RGSL1: variants seen among roughly 807,000 people sequenced by gnomAD.
RGSL1 encodes regulator of G protein signaling like 1, also known as regulator of G protein signaling protein-like.
A neutral mutation model predicts 124.7 loss-of-function variants in RGSL1; 97 were observed. The observed-to-expected ratio is 0.78, with a 90% CI of 0.66 to 0.92. The LOEUF (loss-of-function observed/expected upper bound fraction) is 0.92, where lower values mean the gene tolerates loss of function less well. RGSL1 is among the 40% of genes least tolerant of loss of function. RGSL1 has a pLI of 0.00. For missense variants in RGSL1, 1,233 were observed against 1,288.4 expected (o/e 0.96, Z 0.66); for synonymous variants, 424 against 438.1 (o/e 0.97, Z 0.40).
rs58641894 is a variant in RGSL1 at position 182,508,290 on chromosome 1, G to GTTTTT, written c.1826-13693_1826-13689dup. On this transcript the variant is annotated intron_variant, in intron 9 of 21. Coordinates refer to ENST00000294854, the MANE Select transcript of RGSL1 (RefSeq NM_001137669.2). ...GGTGATGGTTGTTGGTGGTGGTGGT[G>GTTTTT]TTTTTTTTTTTTTTTTTTTTTTTTT... 6.2e-3 allele frequency among the ~76,000 whole-genome samples: 334 copies of GTTTTT among 53,762 alleles called. 32 individuals carry two copies. The highest frequency in any genetic ancestry group is 0.015 in the African/African-American group (187 of 12,636). 35.3% of individuals were successfully genotyped at this position (53,762 alleles called of 152,430 possible).
chr1:182,475,007 T>C (rs930293643), intron 6 of RGSL1, among the ~76,000 whole-genome samples: 1 of 152,058 alleles, frequency 6.6e-6, no homozygotes, highest in Non-Finnish European at 1.5e-5. Context: ...GCCAAAAAGG[T>C]TGGGGACCGC....
At chr1:182,452,479 GTC>G (rs994310432) in intron 1 of RGSL1, among the ~76,000 whole-genome samples, 1 of 150,476 alleles carries the variant, frequency 6.6e-6, no homozygotes, top group African/African-American at 2.4e-5. Flanking sequence ...TTGAGACAGA[GTC>G]TCACTCTGTC....
At chr1:182,456,222 G>A (rs938397071) in intron 2 of RGSL1, among the ~76,000 whole-genome samples, 3 of 152,098 alleles carry the variant, frequency 2.0e-5, no homozygotes, top group Admixed American at 6.5e-5. Context: ...AAGGCCTCTC[G>A]GGGAGTGGGT....
intron 9 of RGSL1, among the ~76,000 whole-genome samples, chr1:182,495,904 T>A (rs1384918128): frequency 6.6e-6 from 1 of 152,206 alleles, no homozygotes; most frequent in Admixed American, 6.5e-5. Flanking sequence ...CATTTACATT[T>A]TATGATGAAT....
intron 18 of RGSL1, among the ~76,000 whole-genome samples, 162 bp downstream of exon 18, chr1:182,551,371 A>AAGCATGAATTACCTGTCACT (rs1256648385): frequency 1.3e-5 from 2 of 152,178 alleles, no homozygotes; most frequent in Non-Finnish European, 1.5e-5. Context: ...ACTCAGGGTA[A>AAGCATGAATTACCTGTCACT]AGCATGAATT....
chr1:182,537,271 G>A (rs907640056), intron 14 of RGSL1, among the ~76,000 whole-genome samples: 6 of 152,024 alleles, frequency 3.9e-5, no homozygotes, highest in African/African-American at 7.2e-5. Flanking sequence ...TTTATTCAGT[G>A]TCCCCAAGGA....
At chr1:182,465,423 T>C (rs1188278705) in intron 4 of RGSL1, among the ~76,000 whole-genome samples, 6 of 130,902 alleles carry the variant, frequency 4.6e-5, no homozygotes, top group Non-Finnish European at 9.3e-5. Context: ...TGAGAACACT[T>C]GGACACAGGA....
chr1:182,463,090 G>A (rs545275734), intron 4 of RGSL1, among the ~76,000 whole-genome samples: 3 of 152,078 alleles, frequency 2.0e-5, no homozygotes, highest in East Asian at 1.9e-4. Flanking sequence ...TCAGGAGATC[G>A]AGACCATCCT....
chr1:182,543,374 C>T (rs1660012051), intron 15 of RGSL1, among the ~76,000 whole-genome samples: 1 of 152,136 alleles, frequency 6.6e-6, no homozygotes, highest in South Asian at 2.1e-4. Flanking sequence ...TATGTTGAAT[C>T]ACCCTTGTAT....
At chr1:182,491,556 T>A (rs890211579) in intron 8 of RGSL1, among the ~76,000 whole-genome samples, 1 of 152,070 alleles carries the variant, frequency 6.6e-6, no homozygotes, top group Admixed American at 6.6e-5. Flanking sequence ...TCCAGAATGG[T>A]GAAAAGACTT....
At chr1:182,484,784 C>T (rs616387) in intron 6 of RGSL1, among the ~76,000 whole-genome samples, 27,740 of 152,058 alleles carry the variant, frequency 0.18, 2,946 homozygotes, top group East Asian at 0.37. Flanking sequence ...AGGGGTTAGG[C>T]AGAAGTGGGC....
chr1:182,551,062 G>A, intron 17 of RGSL1, 38 bp from the exon 18 acceptor site: 1 of 1,433,068 alleles, frequency 7.0e-7, no homozygotes. Flanking sequence ...CCTCCACTGG[G>A]GGTTCCCTCC....
intron 4 of RGSL1, among the ~76,000 whole-genome samples, chr1:182,466,744 A>G (rs1355558087): frequency 6.6e-6 from 1 of 152,178 alleles, no homozygotes; most frequent in Non-Finnish European, 1.5e-5. Context: ...TAACATGCCA[A>G]TACAACCCAA....
chr1:182,495,624 C>G (rs932442988), intron 9 of RGSL1, among the ~76,000 whole-genome samples: 1 of 152,180 alleles, frequency 6.6e-6, no homozygotes, highest in African/African-American at 2.4e-5. Flanking sequence ...TATGGCGTTG[C>G]AGGGGATTTT....
intron 9 of RGSL1, among the ~76,000 whole-genome samples, chr1:182,494,310 G>A (rs1655750898): frequency 6.6e-6 from 1 of 152,154 alleles, no homozygotes; most frequent in Non-Finnish European, 1.5e-5. Context: ...AGCTTAATGC[G>A]ATTGAACAGC....
chr1:182,503,974 C>CTTTTTTTTTTT (rs71124902), intron 9 of RGSL1, among the ~76,000 whole-genome samples: 1 of 118,240 alleles, frequency 8.5e-6, no homozygotes, highest in African/African-American at 3.2e-5. Flanking sequence ...TTTGTAATTT[C>CTTTTTTTTTTT]TTTTTTTTTT....
At chr1:182,483,517 C>A (rs546285651) in intron 6 of RGSL1, among the ~76,000 whole-genome samples, 1 of 151,828 alleles carries the variant, frequency 6.6e-6, no homozygotes, top group Non-Finnish European at 1.5e-5. Context: ...TATATGAATA[C>A]GTGTGTGCAT....
At chr1:182,479,870 C>A (rs977231344) in intron 6 of RGSL1, among the ~76,000 whole-genome samples, 2 of 152,150 alleles carry the variant, frequency 1.3e-5, no homozygotes, top group African/African-American at 4.8e-5. Context: ...AAGTCAAAAG[C>A]TGTCACAAAA....
chr1:182,553,637 A>G, intron 19 of RGSL1, 96 bp downstream of exon 19: 1 of 977,088 alleles, frequency 1.0e-6, no homozygotes, highest in East Asian at 2.7e-5. Context: ...CAATAAGGAG[A>G]CTGAGACCCC....
Sources: allele counts gnomAD v4.1 joint callset (sites outside exome capture counted in the v4.1 genomes callset), GRCh38; gene constraint gnomAD v4.1.1; transcripts MANE v1.5; gene names NCBI Gene and HGNC (gene_info 2026-07-23, HGNC 2026-07-21).